The following PIBF1 variants were observed in gnomAD, a reference collection of about 807,000 sequenced individuals.
PIBF1 encodes progesterone-induced-blocking factor 1.
In PIBF1, 90 loss-of-function variants were observed where a neutral mutation model predicts 112.5. The observed-to-expected ratio is 0.80, with a 90% CI of 0.67 to 0.95. The LOEUF (loss-of-function observed/expected upper bound fraction) is 0.95. Ranked by LOEUF, PIBF1 falls within the 40% of genes least tolerant of loss-of-function variation. PIBF1 has a pLI of 0.00. For missense variants in PIBF1, 915 were observed against 852.3 expected (o/e 1.07, Z -0.92); for synonymous variants, 301 against 288.6 (o/e 1.04, Z -0.44).
intron 9 of PIBF1, among the ~76,000 whole-genome samples, chr13:72,839,266 C>G (rs547147303): frequency 1.3e-5 from 2 of 152,004 alleles, no homozygotes; most frequent in African/African-American, 4.8e-5. Flanking sequence ...GAGACAGAGC[C>G]GACAGGACTC....
intron 10 of PIBF1, among the ~76,000 whole-genome samples, chr13:72,890,661 A>G (rs1314877472): frequency 6.6e-6 from 1 of 152,134 alleles, no homozygotes; most frequent in Non-Finnish European, 1.5e-5. Context: ...TGAAGTTGTT[A>G]ATGTATGAAT....
chr13:72,849,501 A>G (rs2038033051), intron 9 of PIBF1, among the ~76,000 whole-genome samples: 1 of 152,188 alleles, frequency 6.6e-6, no homozygotes, highest in Non-Finnish European at 1.5e-5. Flanking sequence ...ATTATATGAA[A>G]GTTATTGTCT....
At chr13:72,892,462 C>T (rs2040094522) in intron 10 of PIBF1, among the ~76,000 whole-genome samples, 1 of 151,750 alleles carries the variant, frequency 6.6e-6, no homozygotes, top group African/African-American at 2.4e-5. Flanking sequence ...AGTGAAATAG[C>T]CTTTAAAAAG....
intron 9 of PIBF1, among the ~76,000 whole-genome samples, chr13:72,835,645 G>A (rs2037323477): frequency 6.6e-6 from 1 of 151,786 alleles, no homozygotes; most frequent in South Asian, 2.1e-4. Context: ...TTCAGATTGA[G>A]GACAGATAAA....
At chr13:72,863,197 A>G (rs1284952877) in intron 10 of PIBF1, among the ~76,000 whole-genome samples, 3 of 152,190 alleles carry the variant, frequency 2.0e-5, no homozygotes, top group Non-Finnish European at 2.9e-5. Context: ...ACAGACAGCA[A>G]AGCAAACACC....
intron 5 of PIBF1, among the ~76,000 whole-genome samples, chr13:72,799,282 A>G (rs1236910140): frequency 6.6e-6 from 1 of 152,208 alleles, no homozygotes; most frequent in Non-Finnish European, 1.5e-5. Context: ...TTTGTCAATG[A>G]TATTATCCAG....
intron 10 of PIBF1, among the ~76,000 whole-genome samples, chr13:72,864,304 C>T (rs956544489): frequency 3.9e-5 from 6 of 152,054 alleles, no homozygotes; most frequent in African/African-American, 9.7e-5. Flanking sequence ...ATGTGTAATT[C>T]GGGGTTACAC....
intron 16 of PIBF1, among the ~76,000 whole-genome samples, chr13:72,987,858 A>ATTTTTTTTTTTTTTTTTTTTTTTTT (rs55999445): frequency 3.4e-5 from 2 of 58,136 alleles, no homozygotes; most frequent in African/African-American, 1.9e-4. Flanking sequence ...TTATTTATTT[A>ATTTTTTTTTTTTTTTTTTTTTTTTT]TTTTTTTTTT....
intron 14 of PIBF1, among the ~76,000 whole-genome samples, chr13:72,960,315 G>C (rs2042571331): frequency 6.6e-6 from 1 of 152,212 alleles, no homozygotes; most frequent in African/African-American, 2.4e-5. Context: ...AGAGGCTGAA[G>C]TAGGAGGATC....
At chr13:72,996,088 G>T (rs1343404065) in intron 16 of PIBF1, among the ~76,000 whole-genome samples, 35 of 20,962 alleles carry the variant, frequency 1.7e-3, no homozygotes, top group African/African-American at 5.5e-3. Flanking sequence ...AAAAAAAAGC[G>T]GGGGGGGGGG....
intron 10 of PIBF1, among the ~76,000 whole-genome samples, chr13:72,857,676 TAA>T (rs972284048): frequency 6.6e-6 from 1 of 152,092 alleles, no homozygotes; most frequent in Non-Finnish European, 1.5e-5. Flanking sequence ...CTGTCTCTAC[TAA>T]AAATGCAAAA....
intron 14 of PIBF1, among the ~76,000 whole-genome samples, chr13:72,931,740 A>G (rs530980663): frequency 1.4e-5 from 2 of 143,672 alleles, no homozygotes; most frequent in Non-Finnish European, 3.0e-5. Flanking sequence ...ATATATATAT[A>G]TATGTATGCA....
chr13:72,882,129 A>G (rs779816589), intron 10 of PIBF1, among the ~76,000 whole-genome samples: 2 of 152,160 alleles, frequency 1.3e-5, no homozygotes, highest in South Asian at 2.1e-4. Flanking sequence ...GAAATCAGAA[A>G]CAAATCCATA....
chr13:72,954,539 C>T (rs75890805), intron 14 of PIBF1, among the ~76,000 whole-genome samples: 168 of 152,344 alleles, frequency 1.1e-3, no homozygotes, highest in African/African-American at 3.8e-3. Flanking sequence ...TCTGGTAGTG[C>T]GTGCAAAGCA....
At chr13:72,968,661 A>C (rs1235588571) in intron 15 of PIBF1, among the ~76,000 whole-genome samples, 1 of 152,068 alleles carries the variant, frequency 6.6e-6, no homozygotes, top group East Asian at 1.9e-4. Context: ...TATTAAAATT[A>C]AATTGTTTAA....
At chr13:72,792,418 A>G in intron 2 of PIBF1, 29 bp from the exon 3 acceptor site, 1 of 1,277,792 alleles carries the variant, frequency 7.8e-7, no homozygotes, top group South Asian at 1.3e-5. Flanking sequence ...ATGACAAATC[A>G]TATAATTTAT....
chr13:72,854,101 G>A lies in PIBF1; in HGVS notation c.1268G>A (p.Arg423Gln), dbSNP rs141453174. 2.4e-5 allele frequency: 38 copies of A among 1,613,532 alleles called. No homozygotes were observed. Among genetic ancestry groups the A allele is most frequent in the East Asian group, 6.7e-5 (3 of 44,864 alleles). The change falls in exon 10 of 18, where the codon CGA becomes CAA. Residue 423 changes from arginine (R) to glutamine (Q), a missense_variant. By Grantham distance (43) the Arg-to-Gln change is conservative. Transcript: ENST00000326291. Reference sequence around the variant, plus strand: ...GATAATGCTGTGGCTGAAAAGGAACGAGCAGTGATGGCTGAAAAGGATGCT... The same window carrying A: ...GATAATGCTGTGGCTGAAAAGGAACAAGCAGTGATGGCTGAAAAGGATGCT... ...ARDNAVAEKERAVMAEKDALE... is the reference protein window; with the variant it reads ...ARDNAVAEKEQAVMAEKDALE...
intron 14 of PIBF1, among the ~76,000 whole-genome samples, chr13:72,961,891 C>G (rs942608743): frequency 2.0e-5 from 3 of 151,602 alleles, no homozygotes. Context: ...GATAAAAATC[C>G]TTTGGGAGAA....
chr13:72,847,845 G>A (rs1046178681), intron 9 of PIBF1, among the ~76,000 whole-genome samples: 2 of 152,156 alleles, frequency 1.3e-5, no homozygotes, highest in African/African-American at 4.8e-5. Flanking sequence ...TCTATTTTAT[G>A]CCATCTTAAA....
Sources: allele counts gnomAD v4.1 joint callset (sites outside exome capture counted in the v4.1 genomes callset), GRCh38; gene constraint gnomAD v4.1.1; transcripts MANE v1.5; gene names NCBI Gene and HGNC (gene_info 2026-07-23, HGNC 2026-07-21).